The following SORCS3 variants were observed in gnomAD, a reference collection of about 807,000 sequenced individuals.
SORCS3 encodes sortilin related VPS10 domain containing receptor 3.
Under a neutral mutation model 146.3 loss-of-function variants are expected in SORCS3, and 57 were observed. That is an observed-to-expected ratio of 0.39 (90% CI 0.31 to 0.49). The LOEUF (loss-of-function observed/expected upper bound fraction) is 0.49, where lower values mean the gene tolerates loss of function less well. SORCS3 is among the 20% of genes least tolerant of loss of function. The probability of loss-of-function intolerance (pLI) is 0.92; values close to 1 mark genes in which losing one functional copy is unlikely to be tolerated. For missense variants in SORCS3, 1,341 were observed against 1,575.5 expected, an observed-to-expected ratio of 0.85 and a Z score of 2.52; for synonymous variants, 653 against 618.5, an observed-to-expected ratio of 1.06 and a Z score of -0.83.
Position 104,835,477 on chromosome 10 carries a change from G to C in SORCS3, c.628-7315G>C, listed in dbSNP as rs530804475. Among the ~76,000 whole-genome samples, 9 of 152,300 alleles carry C rather than the reference G, an allele frequency of 5.9e-5. No homozygotes were observed. In the South Asian group the frequency reaches 1.7e-3, roughly 28 times the overall value. On this transcript the variant is annotated intron_variant, in intron 1 of 26. Coordinates refer to ENST00000369701, the MANE Select transcript of SORCS3 (RefSeq NM_014978.3). ...TTAAAGGCACCAAGATTTTAGGAAG[G>C]TTTAATGAACTAAAGTAATTTTCCT...
chr10:105,105,428 A>G lies in SORCS3; in HGVS notation c.1125A>G (p.Glu375=). Reference sequence around the variant, plus strand: ...ACTACCTCACCTGCAGGATCCAGGAATGTGCCGAGACAACTAGAAGTGGGC... The same window carrying G: ...ACTACCTCACCTGCAGGATCCAGGAGTGTGCCGAGACAACTAGAAGTGGGC... ...YAHYLTCRIQ[E]CAETTRSGPF... is the part of the protein sequence containing the mutation. Residue 375 remains glutamate (E), a synonymous_variant, in exon 7 of 27, where the codon GAA becomes GAG. Coordinates refer to ENST00000369701, the MANE Select transcript of SORCS3 (RefSeq NM_014978.3). 6.2e-7 allele frequency: 1 copy of G among 1,613,686 alleles called. No individual in the cohort carries two copies.
chr10:105,157,923 G>T (rs2056225771), intron 10 of SORCS3, among the ~76,000 whole-genome samples: 3 of 152,188 alleles, frequency 2.0e-5, no homozygotes, highest in African/African-American at 4.8e-5. Flanking sequence ...TCCCAGAAAT[G>T]GTTATGTTTC....
chr10:105,196,466 G>A (rs1474809860), intron 14 of SORCS3, among the ~76,000 whole-genome samples: 2 of 152,152 alleles, frequency 1.3e-5, no homozygotes, highest in Admixed American at 6.5e-5. Context: ...TTAGCTGAGT[G>A]TGGTGATGCA....
intron 4 of SORCS3, among the ~76,000 whole-genome samples, chr10:104,983,610 T>G (rs1009785046): frequency 3.3e-5 from 5 of 152,176 alleles, no homozygotes; most frequent in Non-Finnish European, 2.9e-5. Context: ...TACTTTCATC[T>G]GCTGCCTCTA....
At chr10:105,088,619 G>T in intron 5 of SORCS3, among the ~76,000 whole-genome samples, 1 of 152,264 alleles carries the variant, frequency 6.6e-6, no homozygotes, top group South Asian at 2.1e-4. Context: ...GATGCCATCA[G>T]CCCCTGTTTC....
At chr10:105,254,299 T>C (rs1033976398) in intron 23 of SORCS3, among the ~76,000 whole-genome samples, 2 of 152,180 alleles carry the variant, frequency 1.3e-5, no homozygotes, top group African/African-American at 2.4e-5. Context: ...GAGCTAATGA[T>C]GGGTTGAACT....
At chr10:104,793,564 G>T (rs1184490515) in intron 1 of SORCS3, among the ~76,000 whole-genome samples, 1 of 152,158 alleles carries the variant, frequency 6.6e-6, no homozygotes, top group Non-Finnish European at 1.5e-5. Context: ...GAATACAGGG[G>T]ATGGGATTGT....
intron 2 of SORCS3, among the ~76,000 whole-genome samples, chr10:104,903,946 GT>G (rs1218653568): frequency 6.6e-6 from 1 of 152,078 alleles, no homozygotes; most frequent in African/African-American, 2.4e-5. Flanking sequence ...GGAAACTATA[GT>G]TTTTTAAATA....
At chr10:104,889,812 G>A (rs192195733) in intron 2 of SORCS3, among the ~76,000 whole-genome samples, 19 of 152,080 alleles carry the variant, frequency 1.2e-4, no homozygotes, top group East Asian at 5.8e-4. Context: ...TTTGTTTTGC[G>A]TAGATACATA....
At chr10:104,793,895 G>A (rs928232542) in intron 1 of SORCS3, among the ~76,000 whole-genome samples, 4 of 152,166 alleles carry the variant, frequency 2.6e-5, no homozygotes, top group Non-Finnish European at 4.4e-5. Context: ...CAATGAAACC[G>A]TCAGAGTCAA....
intron 4 of SORCS3, among the ~76,000 whole-genome samples, chr10:105,007,308 T>C (rs2055102394): frequency 6.6e-6 from 1 of 151,956 alleles, no homozygotes; most frequent in Non-Finnish European, 1.5e-5. Context: ...TACAGTTTAG[T>C]TGAGGTGAAA....
At chr10:105,158,379 T>C (rs1197244502) in intron 10 of SORCS3, among the ~76,000 whole-genome samples, 6 of 152,128 alleles carry the variant, frequency 3.9e-5, no homozygotes, top group African/African-American at 1.4e-4. Flanking sequence ...CTTCAAATAT[T>C]TTAAGTAAAA....
At chr10:104,924,900 AT>A (rs1554860108) in intron 3 of SORCS3, among the ~76,000 whole-genome samples, 6 of 150,910 alleles carry the variant, frequency 4.0e-5, no homozygotes, top group Non-Finnish European at 8.9e-5. Context: ...AAATGCTTTA[AT>A]TTTTTTAAAA....
intron 1 of SORCS3, among the ~76,000 whole-genome samples, chr10:104,741,705 T>G (rs1340339563): frequency 8.3e-5 from 6 of 72,132 alleles, no homozygotes; most frequent in East Asian, 3.6e-4. Context: ...TCTGGGTTTT[T>G]TTTTTTTTTT....
chr10:104,768,658 T>C (rs2017210477), intron 1 of SORCS3, among the ~76,000 whole-genome samples: 1 of 152,218 alleles, frequency 6.6e-6, no homozygotes, highest in Admixed American at 6.5e-5. Context: ...GCAGTGCTTA[T>C]TAGTGATTCA....
chr10:104,767,821 C>A (rs1166844646), intron 1 of SORCS3, among the ~76,000 whole-genome samples: 2 of 143,916 alleles, frequency 1.4e-5, no homozygotes, highest in African/African-American at 5.2e-5. Context: ...CCCTCTTCTT[C>A]CCCCCTCTCC....
At chr10:104,946,202 G>A (rs1362388990) in intron 3 of SORCS3, among the ~76,000 whole-genome samples, 1 of 151,776 alleles carries the variant, frequency 6.6e-6, no homozygotes, top group East Asian at 1.9e-4. Context: ...ACTAGATAAG[G>A]AGGGGATGTA....
intron 19 of SORCS3, among the ~76,000 whole-genome samples, chr10:105,219,933 G>T (rs1006679156): frequency 2.6e-5 from 4 of 152,106 alleles, no homozygotes; most frequent in Non-Finnish European, 4.4e-5. Context: ...AACTTTTATC[G>T]TGCTTATAAT....
At chr10:104,706,495 C>G (rs1351865560) in intron 1 of SORCS3, among the ~76,000 whole-genome samples, 1 of 152,168 alleles carries the variant, frequency 6.6e-6, no homozygotes, top group Non-Finnish European at 1.5e-5. Context: ...GCGTGAGCCA[C>G]TGTGCCCGGG....
Sources: allele counts gnomAD v4.1 joint callset (sites outside exome capture counted in the v4.1 genomes callset), GRCh38; gene constraint gnomAD v4.1.1; transcripts MANE v1.5; gene names NCBI Gene and HGNC (gene_info 2026-07-23, HGNC 2026-07-21).